The following RGS6 variants were observed in gnomAD, a reference collection of about 807,000 sequenced individuals.
RGS6 encodes the protein regulator of G-protein signaling 6.
RGS6 carries 30 observed loss-of-function variants against 78.5 expected under a neutral mutation model. The observed-to-expected ratio is 0.38, with a 90% CI of 0.29 to 0.52. RGS6 has a LOEUF of 0.52. Ranked by LOEUF, RGS6 falls within the 20% of genes least tolerant of loss-of-function variation. RGS6 has a pLI of 0.85. For synonymous variants in RGS6, 206 were observed against 206.0 expected (o/e 1.00, Z 0.00); for missense variants, 495 against 609.7 (o/e 0.81, Z 1.98).
intron 2 of RGS6, among the ~76,000 whole-genome samples, chr14:72,267,555 A>T (rs1408817950): frequency 6.6e-6 from 1 of 152,252 alleles, no homozygotes; most frequent in Non-Finnish European, 1.5e-5. Flanking sequence ...TCAAAGCTGG[A>T]TTCCAGGCTC....
intron 2 of RGS6, among the ~76,000 whole-genome samples, chr14:72,038,365 T>C (rs938554386): frequency 1.2e-4 from 19 of 152,342 alleles, no homozygotes; most frequent in South Asian, 8.3e-4. Flanking sequence ...CAAAATTGTT[T>C]TGGCTATTCT....
the RGS6 span, among the ~76,000 whole-genome samples, chr14:71,870,132 T>C: frequency 2.7e-4 from 41 of 152,358 alleles, no homozygotes; most frequent in African/African-American, 9.4e-4. Flanking sequence ...CCAATCAATT[T>C]CTTTTGTAAT....
the RGS6 span, among the ~76,000 whole-genome samples, chr14:71,909,627 AAG>A: frequency 0.021 from 3,113 of 149,908 alleles, 116 homozygotes; most frequent in African/African-American, 0.071. Flanking sequence ...AGAGGGGGGA[AAG>A]AGAGAGAGAG....
chr14:72,055,881 G>A (rs1159145153), intron 2 of RGS6, among the ~76,000 whole-genome samples: 1 of 152,048 alleles, frequency 6.6e-6, no homozygotes, highest in Non-Finnish European at 1.5e-5. Flanking sequence ...TTTTTGTTTT[G>A]GTGTTTGTTG....
intron 2 of RGS6, among the ~76,000 whole-genome samples, chr14:72,273,144 G>A (rs6574059): frequency 0.6 from 89,910 of 149,266 alleles, 27,129 homozygotes; most frequent in Non-Finnish European, 0.64. Flanking sequence ...AAAAAAAAAA[G>A]AAAGAAAGAA....
chr14:72,107,514 A>C (rs551024338), intron 2 of RGS6, among the ~76,000 whole-genome samples: 1 of 152,294 alleles, frequency 6.6e-6, no homozygotes, highest in African/African-American at 2.4e-5. Flanking sequence ...GATAGGAAAA[A>C]AATGTCAAAA....
At chr14:72,300,027 C>T (rs548964767) in intron 2 of RGS6, among the ~76,000 whole-genome samples, 1 of 152,152 alleles carries the variant, frequency 6.6e-6, no homozygotes, top group South Asian at 2.1e-4. Flanking sequence ...CTTTTACTTA[C>T]CCTGAGTTTA....
At chr14:72,148,314 C>T (rs1270851447) in intron 2 of RGS6, among the ~76,000 whole-genome samples, 2 of 151,878 alleles carry the variant, frequency 1.3e-5, no homozygotes, top group Non-Finnish European at 2.9e-5. Flanking sequence ...GGGAAGATCA[C>T]TTGTGTCCAT....
chr14:72,410,817 A>T (rs1282983748), intron 3 of RGS6, among the ~76,000 whole-genome samples: 1 of 152,198 alleles, frequency 6.6e-6, no homozygotes, highest in Non-Finnish European at 1.5e-5. Flanking sequence ...ACCATTTATT[A>T]AATAGGGAAT....
intron 3 of RGS6, among the ~76,000 whole-genome samples, chr14:72,366,480 G>A (rs1444093679): frequency 6.6e-6 from 1 of 152,142 alleles, no homozygotes; most frequent in Non-Finnish European, 1.5e-5. Flanking sequence ...CAAAAATAGA[G>A]AATTGGAGAG....
intron 2 of RGS6, among the ~76,000 whole-genome samples, chr14:72,344,539 A>T (rs2152698122): frequency 6.6e-6 from 1 of 152,316 alleles, no homozygotes; most frequent in Middle Eastern, 3.4e-3. Flanking sequence ...CCCTTTTAAT[A>T]TATTGAGTCC....
chr14:72,396,186 C>T (rs959756271), intron 3 of RGS6, among the ~76,000 whole-genome samples: 1 of 152,322 alleles, frequency 6.6e-6, no homozygotes, highest in Admixed American at 6.5e-5. Context: ...ACATCCTCTC[C>T]AGCACCTGTT....
the RGS6 span, among the ~76,000 whole-genome samples, chr14:71,887,442 G>A: frequency 1.3e-5 from 2 of 152,186 alleles, no homozygotes; most frequent in African/African-American, 4.8e-5. Flanking sequence ...CCTATAAGTG[G>A]ACGTGCAAGT....
At chr14:71,875,278 C>CT in the RGS6 span, among the ~76,000 whole-genome samples, 2 of 152,056 alleles carry the variant, frequency 1.3e-5, no homozygotes, top group Non-Finnish European at 2.9e-5. Flanking sequence ...TGGTCCTGGA[C>CT]TTTTTTTGGT....
At chr14:72,039,089 A>G (rs183668921) in intron 2 of RGS6, among the ~76,000 whole-genome samples, 43 of 152,338 alleles carry the variant, frequency 2.8e-4, no homozygotes, top group African/African-American at 1.0e-3. Flanking sequence ...TTTGTAGCAA[A>G]TCTACATTTT....
chr14:72,134,436 A>G (rs896148143), intron 2 of RGS6, among the ~76,000 whole-genome samples: 1 of 152,174 alleles, frequency 6.6e-6, no homozygotes, highest in African/African-American at 2.4e-5. Context: ...AACAATGTTG[A>G]GGCTCCTGGT....
chr14:72,328,029 A>G (rs1367832439), intron 2 of RGS6, among the ~76,000 whole-genome samples: 2 of 152,188 alleles, frequency 1.3e-5, no homozygotes, highest in African/African-American at 2.4e-5. Context: ...GCCAGTGGTA[A>G]AATTCAGCAT....
chr14:72,610,994 C>A, the RGS6 span, among the ~76,000 whole-genome samples: 20 of 152,348 alleles, frequency 1.3e-4, no homozygotes, highest in African/African-American at 4.8e-4. Flanking sequence ...CTGTCACGCA[C>A]TTTAAAACCA....
chr14:72,363,688 TCTG>T (rs1186692520), intron 3 of RGS6, among the ~76,000 whole-genome samples: 1 of 152,178 alleles, frequency 6.6e-6, no homozygotes, highest in Non-Finnish European at 1.5e-5. Flanking sequence ...CTTTTTCTCT[TCTG>T]AAACCCCACA....
Sources: allele counts gnomAD v4.1 joint callset (sites outside exome capture counted in the v4.1 genomes callset), GRCh38; gene constraint gnomAD v4.1.1; transcripts MANE v1.5; gene names NCBI Gene and HGNC (gene_info 2026-07-23, HGNC 2026-07-21).